RBFOX1: variants seen among roughly 807,000 people sequenced by gnomAD.
RBFOX1 encodes RNA binding protein fox-1 homolog 1.
In RBFOX1, 8 loss-of-function variants were observed where a neutral mutation model predicts 57.7. The observed-to-expected ratio is 0.14, with a 90% CI of 0.08 to 0.25. RBFOX1 has a LOEUF of 0.25. RBFOX1 is among the 10% of genes least tolerant of loss of function. The probability of loss-of-function intolerance (pLI) is 1.00; values close to 1 mark genes in which losing one functional copy is unlikely to be tolerated. For synonymous variants in RBFOX1, 326 were observed against 222.4 expected, an observed-to-expected ratio of 1.47 and a Z score of -4.15; for missense variants, 611 against 548.5, an observed-to-expected ratio of 1.11 and a Z score of -1.14.
intron 2 of RBFOX1, among the ~76,000 whole-genome samples, chr16:6,500,399 C>A (rs3095508): frequency 0.37 from 56,215 of 152,010 alleles, 11,219 homozygotes; most frequent in East Asian, 0.58. Context: ...AGGATATTCA[C>A]TGACCATTTA....
chr16:6,736,820 C>G (rs1026336469), intron 3 of RBFOX1, among the ~76,000 whole-genome samples: 5 of 152,124 alleles, frequency 3.3e-5, no homozygotes, highest in South Asian at 2.1e-4. Context: ...ATTCATACAT[C>G]TGAATTCCAG....
In RBFOX1 at chr16:5,882,825, C is replaced by G. The variant is rs116538449; in HGVS notation, c.351+15490C>G. Among the ~76,000 whole-genome samples the G allele has an allele frequency of 4.0e-3, 609 of 152,238 alleles. 5 individuals are homozygous for G. Among genetic ancestry groups the G allele is most frequent in the African/African-American group, 0.014 (589 of 41,546 alleles). On this transcript the variant is annotated intron_variant, in intron 4 of 19. Transcript: ENST00000641259. ...ATCTCATGCTGTGGAGATTTGGACTCTGGGTATATTTTTATAAGCCATGGA... is the reference window on the plus strand; with the variant it reads ...ATCTCATGCTGTGGAGATTTGGACTGTGGGTATATTTTTATAAGCCATGGA...
In RBFOX1 at chr16:7,645,227, C is replaced by A. The variant is rs182014537; in HGVS notation, c.758-8588C>A. On this transcript the variant is annotated intron_variant, in intron 11 of 15. Transcript: ENST00000550418. ...TTGGATTTGACTAAAACTTTTCTAC[C>A]ATGACGTTATGTAAAGAGATTCAAT... Among the ~76,000 whole-genome samples the A allele has an allele frequency of 2.9e-3, 435 of 152,218 alleles. 5 individuals are homozygous for A. Among genetic ancestry groups the A allele is most frequent in the African/African-American group, 0.01 (420 of 41,532 alleles).
intron 1 of RBFOX1, among the ~76,000 whole-genome samples, chr16:6,160,377 T>A (rs990509563): frequency 1.3e-5 from 2 of 152,120 alleles, no homozygotes; most frequent in Non-Finnish European, 2.9e-5. Flanking sequence ...TCTCACAAAC[T>A]TTTTTTCTGT....
chr16:5,599,103 G>C lies in RBFOX1; in HGVS notation c.460G>C (p.Gly154Arg), dbSNP rs887792461. The change falls in exon 3 of 3, where the codon GGG (glycine) becomes CGG (arginine). Residue 154 changes from glycine (G) to arginine (R), a missense_variant. By Grantham distance (125) the Gly-to-Arg change is moderately radical. Coordinates refer to the RBFOX1 transcript ENST00000585867. Reference sequence around the variant, plus strand: ...TGCTGGAGAATTAACTGGGTTTGAGGGGAATAAATTTTCCAGAGCACTTGC... The same window carrying C: ...TGCTGGAGAATTAACTGGGTTTGAGCGGAATAAATTTTCCAGAGCACTTGC... 59 of 844,614 alleles carry C rather than the reference G, an allele frequency of 7.0e-5. No individual in the cohort carries two copies. In the African/African-American group the frequency reaches 8.1e-4, roughly 12 times the overall value. 52.3% of individuals were successfully genotyped at this position (844,614 alleles called of 1,614,324 possible).
At chr16:7,646,697 C>G (rs1464453595) in intron 11 of RBFOX1, among the ~76,000 whole-genome samples, 1 of 152,208 alleles carries the variant, frequency 6.6e-6, no homozygotes, top group Non-Finnish European at 1.5e-5. Flanking sequence ...GAATCCGCCC[C>G]CCTGTCGGGT....
At chr16:7,611,393 A>G (rs1345581237) in intron 10 of RBFOX1, among the ~76,000 whole-genome samples, 1 of 152,140 alleles carries the variant, frequency 6.6e-6, no homozygotes, top group Non-Finnish European at 1.5e-5. Flanking sequence ...CCTGGCCAAC[A>G]TGGTGAAATC....
intron 4 of RBFOX1, among the ~76,000 whole-genome samples, chr16:7,175,044 A>AT (rs2081382853): frequency 1.3e-5 from 2 of 150,120 alleles, no homozygotes; most frequent in South Asian, 4.2e-4. Flanking sequence ...ATGTTTGTTT[A>AT]TTTTTTATTT....
intron 2 of RBFOX1, among the ~76,000 whole-genome samples, chr16:6,478,430 T>TATATATATA (rs1491380922): frequency 7.8e-5 from 1 of 12,740 alleles, no homozygotes; most frequent in African/African-American, 2.9e-4. Flanking sequence ...TATATATATA[T>TATATATATA]TTTTTTTTTT....
At chr16:7,085,586 C>T (rs989250180) in intron 4 of RBFOX1, among the ~76,000 whole-genome samples, 3 of 152,036 alleles carry the variant, frequency 2.0e-5, no homozygotes, top group Non-Finnish European at 4.4e-5. Flanking sequence ...AATGAATGAA[C>T]ATATGCCTGC....
At chr16:7,493,128 C>T (rs1191839514) in intron 4 of RBFOX1, among the ~76,000 whole-genome samples, 1 of 152,210 alleles carries the variant, frequency 6.6e-6, no homozygotes, top group Admixed American at 6.5e-5. Context: ...ATTCGCCCGC[C>T]TCTGCCTCCC....
At chr16:6,988,731 A>ATTT (rs111959126) in intron 3 of RBFOX1, among the ~76,000 whole-genome samples, 2,327 of 91,106 alleles carry the variant, frequency 0.026, 53 homozygotes, top group African/African-American at 0.055. Flanking sequence ...CACCCAGCTA[A>ATTT]TTTTTTTTTT....
chr16:7,708,773 T>C (rs1210985933), intron 14 of RBFOX1, among the ~76,000 whole-genome samples: 1 of 152,058 alleles, frequency 6.6e-6, no homozygotes, highest in Non-Finnish European at 1.5e-5. Flanking sequence ...ACTTGAGCAG[T>C]GTAGAAACAG....
intron 4 of RBFOX1, among the ~76,000 whole-genome samples, chr16:7,065,338 C>A (rs1357005412): frequency 6.6e-6 from 1 of 152,030 alleles, no homozygotes; most frequent in Non-Finnish European, 1.5e-5. Flanking sequence ...GTGCACGTCT[C>A]ATCTTGAATG....
chr16:6,293,384 G>A (rs796437419), intron 1 of RBFOX1, among the ~76,000 whole-genome samples: 5 of 152,080 alleles, frequency 3.3e-5, no homozygotes, highest in Admixed American at 6.5e-5. Context: ...ATTTAAGCTC[G>A]CTTTTTCCCT....
chr16:5,527,324 A>G (rs1165789563), intron 2 of RBFOX1, among the ~76,000 whole-genome samples: 1 of 152,206 alleles, frequency 6.6e-6, no homozygotes, highest in African/African-American at 2.4e-5. Flanking sequence ...CCTGCAAGGA[A>G]CACTGGGAAA....
At chr16:5,898,691 C>G (rs998378082) in intron 4 of RBFOX1, among the ~76,000 whole-genome samples, 2 of 151,946 alleles carry the variant, frequency 1.3e-5, no homozygotes, top group African/African-American at 4.8e-5. Flanking sequence ...TGATCTCAAG[C>G]CATTTGACTT....
At chr16:6,698,065 T>G (rs1265709045) in intron 3 of RBFOX1, among the ~76,000 whole-genome samples, 2 of 152,228 alleles carry the variant, frequency 1.3e-5, no homozygotes, top group Non-Finnish European at 2.9e-5. Flanking sequence ...GCACACTGTC[T>G]GTGAATTTGG....
rs192638013 is a variant in RBFOX1 at position 7,026,534 on chromosome 16, C to A, written c.-15-25523C>A. Among the ~76,000 whole-genome samples the A allele has an allele frequency of 1.1e-4, 16 of 152,216 alleles. No individual in the cohort carries two copies. The East Asian group carries it at 3.1e-3, about 30-fold the overall frequency. ...TGTTTCTATCTCTCTCACACACATACACAATCACAGCTGCTTCATACGGCT... is the reference window on the plus strand; with the variant it reads ...TGTTTCTATCTCTCTCACACACATAAACAATCACAGCTGCTTCATACGGCT... On this transcript the variant is annotated intron_variant, in intron 3 of 15. Transcript: ENST00000550418.
Sources: gnomAD v4.1 joint callset for allele counts (sites outside exome capture counted in the v4.1 genomes callset) on GRCh38, gnomAD v4.1.1 for gene constraint, MANE v1.5 for transcripts, NCBI Gene and HGNC (gene_info 2026-07-23, HGNC 2026-07-21) for gene names.